The following CNTN3 variants were observed in gnomAD, a reference collection of about 807,000 sequenced individuals.
The protein encoded by CNTN3 is contactin-3.
Under a neutral mutation model 119.1 loss-of-function variants are expected in CNTN3, and 60 were observed. The ratio of observed to expected loss-of-function variants is 0.50; its 90% CI spans 0.41 to 0.62. The LOEUF (loss-of-function observed/expected upper bound fraction) is 0.62, where lower values mean the gene tolerates loss of function less well. Ranked by LOEUF, CNTN3 falls within the 20% of genes least tolerant of loss-of-function variation. The pLI, the probability that CNTN3 is intolerant of heterozygous loss-of-function variation, is 0.00. For synonymous variants in CNTN3, 450 were observed against 438.7 expected, an observed-to-expected ratio of 1.03 and a Z score of -0.32; for missense variants, 1,101 against 1,242.4, an observed-to-expected ratio of 0.89 and a Z score of 1.71.
chr3:74,293,549 A>T (rs1702276560), intron 19 of CNTN3, among the ~76,000 whole-genome samples: 1 of 152,166 alleles, frequency 6.6e-6, no homozygotes, highest in African/African-American at 2.4e-5. Flanking sequence ...ATGACGGCTC[A>T]CTGAAGCCTC....
intron 4 of CNTN3, among the ~76,000 whole-genome samples, chr3:74,458,389 T>C (rs145572181): frequency 6.6e-6 from 1 of 152,162 alleles, no homozygotes; most frequent in Non-Finnish European, 1.5e-5. Context: ...ATGGCTTGTA[T>C]ATTTTAAGTT....
chr3:74,347,089 A>T (rs1221879474), intron 11 of CNTN3, among the ~76,000 whole-genome samples: 1 of 152,206 alleles, frequency 6.6e-6, no homozygotes, highest in East Asian at 1.9e-4. Context: ...AATTATTCCC[A>T]CACAGGACAC....
chr3:74,382,892 C>T (rs1185443520), intron 5 of CNTN3, among the ~76,000 whole-genome samples: 1 of 152,138 alleles, frequency 6.6e-6, no homozygotes, highest in East Asian at 1.9e-4. Flanking sequence ...GTAGTTTTTA[C>T]GTTGACCAAT....
chr3:74,357,359 A>G (rs1234355728), intron 11 of CNTN3, among the ~76,000 whole-genome samples: 6 of 151,916 alleles, frequency 3.9e-5, no homozygotes, highest in East Asian at 1.9e-4. Context: ...TCTCGGCTCA[A>G]CGCAACCTCT....
At chr3:74,423,421 G>C (rs892155548) in intron 5 of CNTN3, among the ~76,000 whole-genome samples, 4 of 152,148 alleles carry the variant, frequency 2.6e-5, no homozygotes, top group Non-Finnish European at 4.4e-5. Context: ...TTCCTCAGGA[G>C]GGGTGTGACT....
chr3:74,315,577 T>C (rs1455360173), intron 13 of CNTN3, among the ~76,000 whole-genome samples: 2 of 152,036 alleles, frequency 1.3e-5, no homozygotes, highest in African/African-American at 4.8e-5. Context: ...GTATAAAAAA[T>C]TCGTACAATG....
At chr3:74,583,619 G>C (rs1258520405) in intron 1 of CNTN3, among the ~76,000 whole-genome samples, 1 of 152,306 alleles carries the variant, frequency 6.6e-6, no homozygotes, top group Middle Eastern at 3.4e-3. Context: ...CTGGATGAAT[G>C]CAAGTCTTGT....
intron 4 of CNTN3, among the ~76,000 whole-genome samples, chr3:74,454,382 T>C (rs1343264788): frequency 1.3e-5 from 2 of 148,410 alleles, no homozygotes; most frequent in African/African-American, 2.5e-5. Context: ...TCCTCCATCC[T>C]TTTATTTTGA....
intron 1 of CNTN3, among the ~76,000 whole-genome samples, chr3:74,558,272 C>G (rs750853445): frequency 6.6e-6 from 1 of 152,166 alleles, no homozygotes; most frequent in Non-Finnish European, 1.5e-5. Context: ...CTTAATCCTA[C>G]TTCCTTTATT....
chr3:74,271,251 G>A (rs565954128), intron 20 of CNTN3, among the ~76,000 whole-genome samples: 2 of 151,962 alleles, frequency 1.3e-5, no homozygotes, highest in African/African-American at 4.8e-5. Context: ...ATCATCCACG[G>A]GCAGTTACGA....
intron 5 of CNTN3, among the ~76,000 whole-genome samples, chr3:74,371,731 T>A (rs944858593): frequency 1.3e-5 from 2 of 152,130 alleles, no homozygotes; most frequent in Non-Finnish European, 2.9e-5. Flanking sequence ...AAATTAACAA[T>A]CTAATCATGT....
intron 11 of CNTN3, among the ~76,000 whole-genome samples, chr3:74,361,544 A>G (rs1246933389): frequency 6.6e-6 from 1 of 152,170 alleles, no homozygotes; most frequent in Non-Finnish European, 1.5e-5. Context: ...ATGTGCTGTT[A>G]TTATACATCC....
At chr3:74,448,552 G>T (rs1702089535) in intron 4 of CNTN3, among the ~76,000 whole-genome samples, 1 of 152,092 alleles carries the variant, frequency 6.6e-6, no homozygotes, top group African/African-American at 2.4e-5. Context: ...AATGACACCT[G>T]CTAACCTGAG....
At chr3:74,564,040 T>C (rs1219056990) in intron 1 of CNTN3, among the ~76,000 whole-genome samples, 1 of 152,144 alleles carries the variant, frequency 6.6e-6, no homozygotes, top group African/African-American at 2.4e-5. Flanking sequence ...TCGCTGATGA[T>C]GTTCATATTA....
chr3:74,274,688 C>A (rs1457192088), intron 20 of CNTN3, among the ~76,000 whole-genome samples: 2 of 152,128 alleles, frequency 1.3e-5, no homozygotes, highest in Non-Finnish European at 2.9e-5. Context: ...TCTGACAGAG[C>A]CTACCCAAAT....
At chr3:74,517,734 G>GT (rs1703474124) in intron 2 of CNTN3, among the ~76,000 whole-genome samples, 1 of 151,572 alleles carries the variant, frequency 6.6e-6, no homozygotes, top group African/African-American at 2.4e-5. Context: ...TCAATCTTTT[G>GT]TAAGCTCTCC....
chr3:74,584,683 C>T (rs1704565419), intron 1 of CNTN3, among the ~76,000 whole-genome samples: 1 of 152,152 alleles, frequency 6.6e-6, no homozygotes, highest in Admixed American at 6.6e-5. Flanking sequence ...CAGACTAAGA[C>T]ATCTTGTTTC....
chr3:74,562,908 A>T (rs1359329590), intron 1 of CNTN3, among the ~76,000 whole-genome samples: 2 of 152,310 alleles, frequency 1.3e-5, no homozygotes, highest in Non-Finnish European at 2.9e-5. Flanking sequence ...CCCCACAGTG[A>T]GCTAGTATTA....
chr3:74,406,545 T>C (rs1705327652), intron 5 of CNTN3, among the ~76,000 whole-genome samples: 1 of 152,078 alleles, frequency 6.6e-6, no homozygotes, highest in African/African-American at 2.4e-5. Flanking sequence ...ATGTGTTTTT[T>C]TTTTTAAATT....
Sources: allele counts gnomAD v4.1 joint callset (sites outside exome capture counted in the v4.1 genomes callset), GRCh38; gene constraint gnomAD v4.1.1; transcripts MANE v1.5; gene names NCBI Gene and HGNC (gene_info 2026-07-23, HGNC 2026-07-21).